ITPR2: variants seen among roughly 807,000 people sequenced by gnomAD.
The protein encoded by ITPR2 is inositol 1,4,5-trisphosphate-gated calcium channel ITPR2.
ITPR2 carries 207 observed loss-of-function variants against 317.1 expected under a neutral mutation model. That is an observed-to-expected ratio of 0.65 (90% CI 0.58 to 0.73). The LOEUF (loss-of-function observed/expected upper bound fraction) is 0.73, where lower values mean the gene tolerates loss of function less well. Among genes scored for constraint, ITPR2 ranks in the 30% least tolerant of loss-of-function variants. The pLI, the probability that ITPR2 is intolerant of heterozygous loss-of-function variation, is 0.00. For synonymous variants in ITPR2, 1,156 were observed against 1,149.1 expected (o/e 1.01, Z -0.12); for missense variants, 2,613 against 3,284.0 (o/e 0.80, Z 4.99).
intron 55 of ITPR2, among the ~76,000 whole-genome samples, chr12:26,368,138 T>C (rs1328694916): frequency 6.6e-6 from 1 of 152,254 alleles, no homozygotes; most frequent in Non-Finnish European, 1.5e-5. Context: ...GCTTGGTATA[T>C]GATTTCCCTA....
chr12:26,791,138 G>A (rs1336388583), intron 1 of ITPR2, among the ~76,000 whole-genome samples: 2 of 152,162 alleles, frequency 1.3e-5, no homozygotes, highest in East Asian at 3.8e-4. Flanking sequence ...AAGACAATTT[G>A]TAGGACAATT....
intron 37 of ITPR2, among the ~76,000 whole-genome samples, chr12:26,516,270 A>AGGAAAGGAAAGGAAAGGAAGGGAAG (rs1943499154): frequency 5.1e-5 from 2 of 38,984 alleles, no homozygotes; most frequent in East Asian, 6.6e-4. Flanking sequence ...AGGAAAGGAA[A>AGGAAAGGAAAGGAAAGGAAGGGAAG]GGAAGGGAAG....
chr12:26,643,567 A>T (rs934757082), intron 21 of ITPR2, among the ~76,000 whole-genome samples: 2 of 152,204 alleles, frequency 1.3e-5, no homozygotes, highest in African/African-American at 4.8e-5. Flanking sequence ...TCACAAACAG[A>T]ACATTGGTAG....
At chr12:26,342,151 G>C (rs1257583904) in intron 55 of ITPR2, among the ~76,000 whole-genome samples, 1 of 152,128 alleles carries the variant, frequency 6.6e-6, no homozygotes, top group Non-Finnish European at 1.5e-5. Context: ...AGCATGCTGT[G>C]TCTCTCTGGG....
chr12:26,451,415 T>TG (rs1483549239), intron 45 of ITPR2, among the ~76,000 whole-genome samples: 5 of 120,502 alleles, frequency 4.1e-5, no homozygotes, highest in African/African-American at 2.3e-4. Flanking sequence ...ACACGGAAAG[T>TG]AAGGAACTGA....
chr12:26,793,725 T>A (rs1009514785), intron 1 of ITPR2, among the ~76,000 whole-genome samples: 14 of 152,238 alleles, frequency 9.2e-5, no homozygotes, highest in Non-Finnish European at 1.8e-4. Context: ...TCAGTGATGC[T>A]ATTTTTGGTA....
chr12:26,360,827 T>C (rs1938802425), intron 55 of ITPR2, among the ~76,000 whole-genome samples: 1 of 152,210 alleles, frequency 6.6e-6, no homozygotes, highest in Non-Finnish European at 1.5e-5. Context: ...CTTTGCATGG[T>C]CATTATAAGT....
intron 54 of ITPR2, among the ~76,000 whole-genome samples, chr12:26,390,433 G>A (rs1041486084): frequency 6.6e-6 from 1 of 152,240 alleles, no homozygotes; most frequent in African/African-American, 2.4e-5. Context: ...AAAAAGGAAC[G>A]AAGTACTGAT....
At chr12:26,637,370 T>C (rs1189016759) in intron 21 of ITPR2, among the ~76,000 whole-genome samples, 1 of 152,136 alleles carries the variant, frequency 6.6e-6, no homozygotes, top group Non-Finnish European at 1.5e-5. Flanking sequence ...CAAAATTGCT[T>C]AGGAATTTTT....
chr12:26,779,931 G>C (rs1433743811), intron 2 of ITPR2, among the ~76,000 whole-genome samples: 5 of 152,206 alleles, frequency 3.3e-5, no homozygotes, highest in African/African-American at 1.2e-4. Flanking sequence ...TCTCTGAGTG[G>C]TCAAAAACTG....
In ITPR2 at chr12:26,451,365, T is replaced by TCACACACACACACACA. The variant is rs57642539; in HGVS notation, c.6343-7731_6343-7716dup. On this transcript the variant is annotated intron_variant, in intron 45 of 56. Transcript: ENST00000381340. Reference sequence around the variant, plus strand: ...GATCTCAAGACAGCTTTCTCTCATATCACACACACACACACACACACACAC... The same window carrying TCACACACACACACACA: ...GATCTCAAGACAGCTTTCTCTCATATCACACACACACACACACACACACACACACACACACACACAC... 5.5e-3 allele frequency among the ~76,000 whole-genome samples: 749 copies of TCACACACACACACACA among 136,374 alleles called. 11 individuals carry two copies. The highest frequency in any genetic ancestry group is 0.014 in the African/African-American group (473 of 33,308). The allele number at this position is 136,374 out of a possible 152,430, so 89.5% of individuals were successfully genotyped here.
chr12:26,458,297 A>G (rs1471475099), intron 45 of ITPR2, among the ~76,000 whole-genome samples: 1 of 152,162 alleles, frequency 6.6e-6, no homozygotes, highest in South Asian at 2.1e-4. Context: ...TGCCACTTCT[A>G]GTTGGTAGCC....
At chr12:26,777,829 A>G (rs572618527) in intron 2 of ITPR2, among the ~76,000 whole-genome samples, 12 of 152,262 alleles carry the variant, frequency 7.9e-5, no homozygotes, top group Non-Finnish European at 1.3e-4. Flanking sequence ...TTATACTGTT[A>G]ATCTTTCTCC....
intron 26 of ITPR2, among the ~76,000 whole-genome samples, chr12:26,614,564 C>T (rs1946335208): frequency 6.6e-6 from 1 of 152,112 alleles, no homozygotes; most frequent in South Asian, 2.1e-4. Flanking sequence ...TTAGAAGCAA[C>T]CAAGATGTCC....
chr12:26,479,131 C>A (rs1294245118), intron 43 of ITPR2, among the ~76,000 whole-genome samples: 1 of 123,638 alleles, frequency 8.1e-6, no homozygotes, highest in Admixed American at 9.4e-5. Flanking sequence ...ACTACACACA[C>A]CTCATTCACT....
chr12:26,656,893 CT>C (rs1406331938), intron 18 of ITPR2, among the ~76,000 whole-genome samples: 1 of 152,178 alleles, frequency 6.6e-6, no homozygotes, highest in Admixed American at 6.5e-5. Flanking sequence ...CTCTCTCCAC[CT>C]TCGCCAGCCT....
rs1053935118 is a variant in ITPR2 at position 26,399,022 on chromosome 12, C to T, written c.7550G>A (p.Arg2517Gln). The T allele has an allele frequency of 2.5e-6, 4 of 1,582,586 alleles. No homozygotes were observed. The highest frequency in any genetic ancestry group is 1.2e-5 in the South Asian group (1 of 84,680). Residue 2517 changes from arginine (R) to glutamine (Q), a missense_variant, in exon 54 of 57, where the codon CGA becomes CAA. Arg to Gln is a conservative substitution (Grantham distance 43). Around this residue, in one of 9 missense-constraint regions of ITPR2, gnomAD observed 113 missense variants for 129.2 expected, o/e 0.87. Transcript: ENST00000381340. The part of the protein sequence containing the change: ...PSKDEPLFAA[R>Q]VVYDLLFYFI... ...ATAAAAAAGAAGGTCATAAACCACTCGGGCAGCAAACAAGGGCTCCTGAAA... is the reference window on the plus strand; with the variant it reads ...ATAAAAAAGAAGGTCATAAACCACTTGGGCAGCAAACAAGGGCTCCTGAAA...
chr12:26,471,492 T>G (rs1322171315), intron 45 of ITPR2, among the ~76,000 whole-genome samples: 1 of 152,178 alleles, frequency 6.6e-6, no homozygotes, highest in Non-Finnish European at 1.5e-5. Context: ...CACAACACTA[T>G]AGTATTAGAA....
At chr12:26,466,040 G>GT in intron 45 of ITPR2, among the ~76,000 whole-genome samples, 1 of 152,018 alleles carries the variant, frequency 6.6e-6, no homozygotes, top group East Asian at 1.9e-4. Flanking sequence ...GTTTACAAAA[G>GT]TTTTTTTTCA....
Sources: allele counts gnomAD v4.1 joint callset (sites outside exome capture counted in the v4.1 genomes callset), GRCh38; gene constraint gnomAD v4.1.1; regional missense constraint gnomAD v4.1.1; transcripts MANE v1.5; gene names NCBI Gene and HGNC (gene_info 2026-07-23, HGNC 2026-07-21).